Variants in GABRB3 observed in about 807,000 individuals in gnomAD.
The protein encoded by GABRB3 is gamma-aminobutyric acid receptor subunit beta-3.
Under a neutral mutation model 52.1 loss-of-function variants are expected in GABRB3, and 14 were observed. The observed-to-expected ratio is 0.27, with a 90% CI of 0.18 to 0.42. The LOEUF is 0.42. GABRB3 is among the 10% of genes least tolerant of loss of function. The pLI is 1.00. For missense variants in GABRB3, 307 were observed against 609.1 expected (o/e 0.50, Z 5.22); for synonymous variants, 260 against 232.3 (o/e 1.12, Z -1.08).
At chr15:26,726,055 G>T (rs1036633670) in intron 3 of GABRB3, among the ~76,000 whole-genome samples, 1 of 152,230 alleles carries the variant, frequency 6.6e-6, no homozygotes, top group Non-Finnish European at 1.5e-5. Context: ...GGGAAATCTG[G>T]GTGTGCTGGG....
chr15:26,576,416 T>C (rs1890594513), intron 6 of GABRB3, among the ~76,000 whole-genome samples: 1 of 152,146 alleles, frequency 6.6e-6, no homozygotes, highest in African/African-American at 2.4e-5. Flanking sequence ...GTATTAGTAG[T>C]GCAAATTAAA....
At chr15:26,558,793 A>G (rs1013947427) in intron 8 of GABRB3, among the ~76,000 whole-genome samples, 8 of 151,950 alleles carry the variant, frequency 5.3e-5, no homozygotes, top group African/African-American at 7.2e-5. Flanking sequence ...AGCCAAGATC[A>G]CGCCATCACA....
At chr15:26,560,782 G>T in intron 8 of GABRB3, 150 bp downstream of exon 8, 1 of 1,170,192 alleles carries the variant, frequency 8.5e-7, no homozygotes, top group Non-Finnish European at 1.3e-6. Context: ...ACACCTGGGT[G>T]CCATGTCATA....
intron 3 of GABRB3, among the ~76,000 whole-genome samples, chr15:26,765,531 T>C (rs1024568156): frequency 2.6e-5 from 4 of 152,356 alleles, no homozygotes; most frequent in Middle Eastern, 3.4e-3. Flanking sequence ...AAGCATTTCA[T>C]TGGAAATTTA....
chr15:26,659,093 G>A (rs534674904), intron 3 of GABRB3, among the ~76,000 whole-genome samples: 2 of 152,348 alleles, frequency 1.3e-5, no homozygotes, highest in East Asian at 1.9e-4. Context: ...TCAGATGCCT[G>A]TGATGGCTCA....
At chr15:26,733,111 T>C (rs1889977551) in intron 3 of GABRB3, among the ~76,000 whole-genome samples, 1 of 152,198 alleles carries the variant, frequency 6.6e-6, no homozygotes, top group African/African-American at 2.4e-5. Context: ...GGCCTGCTGT[T>C]TCCTCTTCTA....
intron 3 of GABRB3, chr15:26,625,122 G>A (rs776765171): frequency 1.1e-4 from 28 of 245,330 alleles, no homozygotes; most frequent in Non-Finnish European, 1.8e-4. Flanking sequence ...CTTGAAGTTC[G>A]GGCCACCTCC....
rs543559764 is a variant in GABRB3, at chr15:26,759,235, TA to T, written c.240+13166del. Among the ~76,000 whole-genome samples, 803 of 151,104 alleles carry T rather than the reference TA, an allele frequency of 5.3e-3. 4 individuals are homozygous for T. Among genetic ancestry groups the T allele is most frequent in the African/African-American group, 0.018 (736 of 41,228 alleles). ...ATTTTTTCATTAATAAGACTAGGAATAAAAAAAAATAGAATATAGCAAAAAA... is the reference window on the plus strand; with the variant it reads ...ATTTTTTCATTAATAAGACTAGGAATAAAAAAAATAGAATATAGCAAAAAA... On this transcript the variant is annotated intron_variant, in intron 3 of 8. Transcript: ENST00000311550.
At chr15:26,738,341 C>G (rs547279517) in intron 3 of GABRB3, among the ~76,000 whole-genome samples, 5 of 152,150 alleles carry the variant, frequency 3.3e-5, no homozygotes, top group African/African-American at 9.7e-5. Context: ...CCTCCGCCCC[C>G]CAAAATGCTG....
intron 3 of GABRB3, among the ~76,000 whole-genome samples, chr15:26,650,557 GC>G (rs1887164309): frequency 6.6e-6 from 1 of 151,982 alleles, no homozygotes; most frequent in Non-Finnish European, 1.5e-5. Context: ...ACCCAGTGAA[GC>G]CCCACCTCCA....
chr15:26,639,365 A>G (rs1893140185), intron 3 of GABRB3, among the ~76,000 whole-genome samples: 1 of 149,690 alleles, frequency 6.7e-6, no homozygotes, highest in Non-Finnish European at 1.5e-5. Context: ...AAAGATGGTT[A>G]TGTCTGTACC....
chr15:26,712,918 C>T (rs532886567), intron 3 of GABRB3, among the ~76,000 whole-genome samples: 1 of 152,320 alleles, frequency 6.6e-6, no homozygotes, highest in African/African-American at 2.4e-5. Context: ...CCACAGGAAG[C>T]AGCACACTGG....
chr15:26,611,666 A>C (rs1314559084), intron 4 of GABRB3, among the ~76,000 whole-genome samples: 1 of 152,202 alleles, frequency 6.6e-6, no homozygotes, highest in Non-Finnish European at 1.5e-5. Context: ...AGGCATATGT[A>C]ATTTTTTTTG....
At chr15:26,570,950 T>C (rs78075681) in intron 6 of GABRB3, among the ~76,000 whole-genome samples, 2,461 of 152,254 alleles carry the variant, frequency 0.016, 52 homozygotes, top group African/African-American at 0.054. Context: ...AAAACCATCA[T>C]AGGTTATGAA....
chr15:26,714,326 G>A (rs572889474), intron 3 of GABRB3, among the ~76,000 whole-genome samples: 1 of 152,304 alleles, frequency 6.6e-6, no homozygotes, highest in East Asian at 1.9e-4. Context: ...ACAGGTTTCA[G>A]TTAATTTAGA....
intron 3 of GABRB3, among the ~76,000 whole-genome samples, chr15:26,755,411 A>G (rs1364920476): frequency 6.6e-6 from 1 of 152,212 alleles, no homozygotes; most frequent in Non-Finnish European, 1.5e-5. Flanking sequence ...GAATGACTAA[A>G]CCAAAACAAT....
intron 3 of GABRB3, among the ~76,000 whole-genome samples, chr15:26,700,723 G>A (rs1176516155): frequency 6.6e-6 from 1 of 152,184 alleles, no homozygotes; most frequent in Non-Finnish European, 1.5e-5. Flanking sequence ...ATAGACATGG[G>A]AAAAACATTT....
intron 3 of GABRB3, among the ~76,000 whole-genome samples, chr15:26,662,239 A>G (rs559813337): frequency 2.0e-5 from 3 of 152,234 alleles, no homozygotes; most frequent in Non-Finnish European, 2.9e-5. Flanking sequence ...CTGTTACCAC[A>G]GAAAAGCATG....
chr15:26,663,882 A>G (rs1160946797), intron 3 of GABRB3, among the ~76,000 whole-genome samples: 1 of 152,136 alleles, frequency 6.6e-6, no homozygotes, highest in East Asian at 1.9e-4. Context: ...TCCATTATAT[A>G]TTTTTGTATG....
Sources: allele counts gnomAD v4.1 joint callset (sites outside exome capture counted in the v4.1 genomes callset), GRCh38; gene constraint gnomAD v4.1.1; transcripts MANE v1.5; gene names NCBI Gene and HGNC (gene_info 2026-07-23, HGNC 2026-07-21).